The following MYRFL variants were observed in gnomAD, a reference collection of about 807,000 sequenced individuals.
MYRFL encodes the protein myelin regulatory factor like.
A neutral mutation model predicts 109.4 loss-of-function variants in MYRFL; 88 were observed. The ratio of observed to expected loss-of-function variants is 0.80; its 90% confidence interval spans 0.68 to 0.96. The LOEUF is 0.96. MYRFL is among the 40% of genes least tolerant of loss of function. The probability of loss-of-function intolerance (pLI) is 0.00; values close to 1 mark genes in which losing one functional copy is unlikely to be tolerated. For missense variants in MYRFL, 957 were observed against 954.9 expected, an observed-to-expected ratio of 1.00 and a Z score of -0.03; for synonymous variants, 324 against 320.9, an observed-to-expected ratio of 1.01 and a Z score of -0.10.
intron 2 of MYRFL, among the ~76,000 whole-genome samples, chr12:69,864,034 C>T (rs1021876838): frequency 6.6e-6 from 1 of 152,116 alleles, no homozygotes; most frequent in African/African-American, 2.4e-5. Flanking sequence ...AATCATTGTT[C>T]CCTTGTATGT....
chr12:69,925,255 C>T (rs2120441141), intron 13 of MYRFL, among the ~76,000 whole-genome samples: 1 of 152,284 alleles, frequency 6.6e-6, no homozygotes, highest in Middle Eastern at 3.4e-3. Flanking sequence ...CAGGGGGCCT[C>T]AACAGATCTG....
At chr12:69,914,846 T>C (rs1162960597) in intron 13 of MYRFL, among the ~76,000 whole-genome samples, 1 of 152,100 alleles carries the variant, frequency 6.6e-6, no homozygotes, top group Non-Finnish European at 1.5e-5. Flanking sequence ...GAGGGAAATG[T>C]TGTGATTCTC....
intron 1 of MYRFL, among the ~76,000 whole-genome samples, chr12:69,844,857 C>T (rs541614470): frequency 1.3e-5 from 2 of 152,170 alleles, no homozygotes; most frequent in South Asian, 4.2e-4. Context: ...TTAAATTGAT[C>T]TCCTTCTCTT....
intron 1 of MYRFL, 104 bp from the exon 2 acceptor site, chr12:69,855,176 A>T: frequency 1.8e-6 from 1 of 566,054 alleles, no homozygotes; most frequent in Non-Finnish European, 3.2e-6. Context: ...TGTGGATACA[A>T]TAAGAAAGAC....
chr12:69,958,592 G>A lies in MYRFL; in HGVS notation c.*61G>A, dbSNP rs868157880. The A allele has an allele frequency of 9.0e-6, 11 of 1,223,828 alleles. No homozygotes were observed. The highest frequency in any genetic ancestry group is 3.1e-5 in the African/African-American group (2 of 65,188). The allele number at this position is 1,223,828 out of a possible 1,614,324, so 75.8% of individuals were successfully genotyped here. ...ACTCAGGAATACATTTAACAGAAACGAACATCCTCTTGCAACTTCTTTTTT... is the reference window on the plus strand; with the variant it reads ...ACTCAGGAATACATTTAACAGAAACAAACATCCTCTTGCAACTTCTTTTTT... On this transcript the variant is annotated 3_prime_UTR_variant, in exon 25 of 25. Coordinates refer to ENST00000552032, the MANE Select transcript of MYRFL (RefSeq NM_182530.3).
At chr12:69,912,510 T>A (rs1210110074) in intron 13 of MYRFL, among the ~76,000 whole-genome samples, 1 of 152,186 alleles carries the variant, frequency 6.6e-6, no homozygotes, top group East Asian at 1.9e-4. Context: ...ACAATTCTAT[T>A]GTCTGTTTCT....
chr12:69,905,079 C>T (rs977284651), intron 11 of MYRFL, among the ~76,000 whole-genome samples: 1 of 152,208 alleles, frequency 6.6e-6, no homozygotes, highest in Admixed American at 6.5e-5. Context: ...TTCTTACATA[C>T]ATTTCCAGAT....
chr12:69,948,643 A>G (rs1340897196), intron 19 of MYRFL, among the ~76,000 whole-genome samples: 3 of 152,236 alleles, frequency 2.0e-5, no homozygotes, highest in African/African-American at 7.2e-5. Flanking sequence ...GAAAATTATT[A>G]CTGGAATAGC....
intron 15 of MYRFL, among the ~76,000 whole-genome samples, chr12:69,930,443 G>A (rs752618406): frequency 5.9e-5 from 9 of 151,986 alleles, no homozygotes; most frequent in Non-Finnish European, 8.8e-5. Context: ...CTTGCTATAC[G>A]TAGGACTCAG....
chr12:69,879,152 G>C (rs769522180), intron 3 of MYRFL, 43 bp from the exon 4 acceptor site: 9 of 653,990 alleles, frequency 1.4e-5, no homozygotes, highest in East Asian at 8.6e-5. Context: ...CCTCGACTCT[G>C]GGCCGTGAGA....
intron 1 of MYRFL, among the ~76,000 whole-genome samples, chr12:69,831,794 A>G (rs1354439343): frequency 6.6e-6 from 1 of 152,184 alleles, no homozygotes; most frequent in Non-Finnish European, 1.5e-5. Flanking sequence ...GGTTATCCAC[A>G]TAGTAAGTGG....
rs1333081862 is a variant in MYRFL at position 69,879,282 on chromosome 12, T to C, written c.293T>C (p.Met98Thr). 6 of 702,744 alleles carry C rather than the reference T, an allele frequency of 8.5e-6. No individual in the cohort carries two copies. The allele number at this position is 702,744 out of a possible 1,614,324, so 43.5% of individuals were successfully genotyped here. A position where few individuals can be genotyped will look rare whatever the true frequency, so the allele number is the denominator to read the frequency against. Reference sequence around the variant, plus strand: ...ACAGCTGCTCCTGCGATGCCGCCCATGCACCCGCTGCAGAGCACCTCTGGA... The same window carrying C: ...ACAGCTGCTCCTGCGATGCCGCCCACGCACCCGCTGCAGAGCACCTCTGGA... ...HPTAAPAMPPMHPLQSTSGMG... is the reference protein window; with the variant it reads ...HPTAAPAMPPTHPLQSTSGMG... The change falls in exon 4 of 25, where the codon ATG becomes ACG. Residue 98 changes from methionine (M) to threonine (T), a missense_variant. Transcript: ENST00000552032.
chr12:69,930,896 A>C (rs879352098), intron 15 of MYRFL, among the ~76,000 whole-genome samples: 1 of 152,074 alleles, frequency 6.6e-6, no homozygotes, highest in African/African-American at 2.4e-5. Context: ...CCCTCCCCCA[A>C]ATAAAACCTA....
chr12:69,853,804 A>G (rs925444656), intron 1 of MYRFL, among the ~76,000 whole-genome samples: 183 of 148,444 alleles, frequency 1.2e-3, no homozygotes, highest in African/African-American at 4.4e-3. Context: ...CCAGGCAGAG[A>G]CGCTCCTCAC....
intron 20 of MYRFL, 40 bp downstream of exon 20, chr12:69,952,215 G>A (rs754415517): frequency 3.6e-5 from 54 of 1,510,216 alleles, no homozygotes; most frequent in Admixed American, 2.6e-4. Flanking sequence ...TTGGCTTTGC[G>A]GGGCCAGGCC....
At position 69,891,260 on chromosome 12, in the gene MYRFL, AAAT is replaced by A. The variant is rs1886782013; in HGVS notation, c.903+100_903+102del. 5 of 934,692 alleles carry A rather than the reference AAAT, an allele frequency of 5.3e-6. No homozygotes were observed. In the South Asian group the frequency reaches 1.3e-4, roughly 24 times the overall value. The allele number at this position is 934,692 out of a possible 1,614,324, so 57.9% of individuals were successfully genotyped here. Reference sequence around the variant, plus strand: ...TGACAAACTATCCCAAAATGACTTAAAATAATAACAGTCCTTTATTTTGGTCAC... The same window carrying A: ...TGACAAACTATCCCAAAATGACTTAAAATAACAGTCCTTTATTTTGGTCAC... On this transcript the variant is annotated intron_variant, in intron 7 of 24. Coordinates refer to ENST00000552032, the MANE Select transcript of MYRFL (RefSeq NM_182530.3).
intron 11 of MYRFL, among the ~76,000 whole-genome samples, chr12:69,905,252 C>T (rs953265136): frequency 3.3e-5 from 5 of 152,186 alleles, no homozygotes; most frequent in African/African-American, 1.2e-4. Flanking sequence ...TCCTGTACAA[C>T]CCTTCCTGCT....
Position 69,853,488 on chromosome 12 carries a change from A to T in MYRFL, c.47-1792A>T, listed in dbSNP as rs572791878. ...TCAGTTCCCAGACGGAGTCGCGGCCAGGCAGAGGCGCGCCTCACATCCCAG... is the reference window on the plus strand; with the variant it reads ...TCAGTTCCCAGACGGAGTCGCGGCCTGGCAGAGGCGCGCCTCACATCCCAG... On this transcript the variant is annotated intron_variant, in intron 1 of 24. Coordinates refer to ENST00000552032, the MANE Select transcript of MYRFL (RefSeq NM_182530.3). Among the ~76,000 whole-genome samples, 101 of 138,980 alleles carry T rather than the reference A, an allele frequency of 7.3e-4. 1 individual carries two copies. The highest frequency in any genetic ancestry group is 4.4e-3 in the Middle Eastern group (1 of 226). The allele number at this position is 138,980 out of a possible 152,430, so 91.2% of individuals were successfully genotyped here.
chr12:69,933,431 CTTTG>C (rs1167218645), intron 16 of MYRFL, among the ~76,000 whole-genome samples: 5 of 152,170 alleles, frequency 3.3e-5, no homozygotes, highest in Admixed American at 2.0e-4. Flanking sequence ...TCAAAAAATG[CTTTG>C]TTTGTTAGCA....
Sources: allele counts gnomAD v4.1 joint callset (sites outside exome capture counted in the v4.1 genomes callset), GRCh38; gene constraint gnomAD v4.1.1; transcripts MANE v1.5; gene names NCBI Gene and HGNC (gene_info 2026-07-23, HGNC 2026-07-21).